Variants in BAZ2B observed in about 807,000 individuals in gnomAD.
The protein encoded by BAZ2B is bromodomain adjacent to zinc finger domain protein 2B.
In BAZ2B, 91 loss-of-function variants were observed where a neutral mutation model predicts 246.0. That is an observed-to-expected ratio of 0.37 (90% confidence interval 0.31 to 0.44). The LOEUF is 0.44. BAZ2B is among the 20% of genes least tolerant of loss of function. The probability of loss-of-function intolerance (pLI) is 1.00; values close to 1 mark genes in which losing one functional copy is unlikely to be tolerated. For missense variants in BAZ2B, 2,332 were observed against 2,533.7 expected (o/e 0.92, Z 1.71); for synonymous variants, 855 against 860.0 (o/e 0.99, Z 0.10).
At chr2:159,636,888 G>A in the BAZ2B span, among the ~76,000 whole-genome samples, 3 of 152,130 alleles carry the variant, frequency 2.0e-5, no homozygotes, top group Non-Finnish European at 4.4e-5. Context: ...GCAGAGTTGT[G>A]AGGCCCCCAC....
chr2:159,534,747 C>T (rs1171424447), intron 2 of BAZ2B, among the ~76,000 whole-genome samples: 1 of 151,996 alleles, frequency 6.6e-6, no homozygotes, highest in Non-Finnish European at 1.5e-5. Flanking sequence ...GCTGGGACTA[C>T]AGGCATGCAC....
chr2:159,470,641 G>A (rs940117722), intron 3 of BAZ2B, among the ~76,000 whole-genome samples: 1 of 152,176 alleles, frequency 6.6e-6, no homozygotes, highest in Non-Finnish European at 1.5e-5. Flanking sequence ...GAGACAGAAA[G>A]AAGTGTACAG....
Position 159,378,235 on chromosome 2 carries a change from A to G in BAZ2B, c.4006-3482T>C, listed in dbSNP as rs143603936. 1.3e-3 allele frequency among the ~76,000 whole-genome samples: 199 copies of G among 152,334 alleles called. 1 individual carries two copies. Among genetic ancestry groups the G allele is most frequent in the African/African-American group, 4.6e-3 (190 of 41,568 alleles). ...TTGTTTGGGTAATTACACTTCTGAT[A>G]CTCAAATTATATACCCTTCATATTA... On this transcript the variant is annotated intron_variant, in intron 25 of 36. Coordinates refer to ENST00000392783, the MANE Select transcript of BAZ2B (RefSeq NM_013450.4).
chr2:159,610,149 G>GA (rs536857503), intron 1 of BAZ2B, among the ~76,000 whole-genome samples: 4 of 151,812 alleles, frequency 2.6e-5, no homozygotes, highest in East Asian at 1.9e-4. Flanking sequence ...GATCTCATAG[G>GA]AAAAAAAATC....
At chr2:159,694,779 G>A in the BAZ2B span, 4 of 152,162 alleles carry the variant, frequency 2.6e-5, no homozygotes, top group African/African-American at 9.7e-5. Flanking sequence ...ACTATGACAT[G>A]AACATTTGTG....
intron 1 of BAZ2B, among the ~76,000 whole-genome samples, chr2:159,605,626 G>A (rs1428506946): frequency 6.6e-6 from 1 of 151,742 alleles, no homozygotes; most frequent in African/African-American, 2.4e-5. Flanking sequence ...GCCCAGTGGT[G>A]CATGCCTGTA....
At chr2:159,324,668 A>T in intron 36 of BAZ2B, 143 bp downstream of exon 36, 1 of 191,504 alleles carries the variant, frequency 5.2e-6, no homozygotes. Context: ...ACACACACAC[A>T]CACACACACA....
chr2:159,406,061 A>G lies in BAZ2B; in HGVS notation c.2678-947T>C, dbSNP rs7577631. ...TAGATGAACAAAGTTAATGTCCCCA[A>G]TTCTTCATTTCTCCTTTTATCCATG... On this transcript the variant is annotated intron_variant, in intron 14 of 36. Coordinates refer to ENST00000392783, the MANE Select transcript of BAZ2B (RefSeq NM_013450.4). 6.4e-3 allele frequency among the ~76,000 whole-genome samples: 977 copies of G among 152,322 alleles called. 5 individuals are homozygous for G. Among genetic ancestry groups the G allele is most frequent in the African/African-American group, 0.022 (901 of 41,550 alleles).
At chr2:159,558,290 CTT>C (rs1019591162) in intron 1 of BAZ2B, among the ~76,000 whole-genome samples, 5 of 151,946 alleles carry the variant, frequency 3.3e-5, no homozygotes, top group Non-Finnish European at 5.9e-5. Context: ...GAATTTTGCT[CTT>C]GTTGCCCAGG....
At chr2:159,374,571 CA>C (rs1559157922) in intron 26 of BAZ2B, 119 bp downstream of exon 26, 1 of 770,572 alleles carries the variant, frequency 1.3e-6, no homozygotes, top group African/African-American at 1.8e-5. Flanking sequence ...TCAGAATCTT[CA>C]TTTTTAATTA....
intron 2 of BAZ2B, among the ~76,000 whole-genome samples, chr2:159,491,970 C>G (rs991261645): frequency 6.6e-6 from 1 of 152,012 alleles, no homozygotes; most frequent in Non-Finnish European, 1.5e-5. Context: ...TTCCTCTTTC[C>G]CCATGAACCA....
chr2:159,518,155 T>C (rs1376487626), intron 2 of BAZ2B, among the ~76,000 whole-genome samples: 1 of 152,230 alleles, frequency 6.6e-6, no homozygotes, highest in Non-Finnish European at 1.5e-5. Context: ...TTTCCTATAA[T>C]GTGTCAAATT....
At chr2:159,401,634 A>C (rs1244245089) in intron 16 of BAZ2B, among the ~76,000 whole-genome samples, 1 of 152,198 alleles carries the variant, frequency 6.6e-6, no homozygotes, top group Non-Finnish European at 1.5e-5. Flanking sequence ...CCAGGGAATT[A>C]TCTGTAGGAC....
At chr2:159,414,258 A>G (rs2067278400) in intron 13 of BAZ2B, among the ~76,000 whole-genome samples, 4 of 152,224 alleles carry the variant, frequency 2.6e-5, no homozygotes, top group African/African-American at 9.6e-5. Context: ...GATAGTTACC[A>G]GAGGCTGGGA....
At chr2:159,598,845 G>C (rs1324477323) in intron 1 of BAZ2B, among the ~76,000 whole-genome samples, 1 of 152,050 alleles carries the variant, frequency 6.6e-6, no homozygotes, top group Non-Finnish European at 1.5e-5. Context: ...GTGAGACTCT[G>C]TCACAAAAAT....
At chr2:159,318,631 T>A (rs1243991310), downstream of BAZ2B, among the ~76,000 whole-genome samples, 2 of 152,224 alleles carry the variant, frequency 1.3e-5, no homozygotes, top group Non-Finnish European at 2.9e-5. Context: ...ACATGTCTTA[T>A]TAGACTAATT....
At chr2:159,376,939 A>G (rs929327793) in intron 25 of BAZ2B, among the ~76,000 whole-genome samples, 4 of 152,150 alleles carry the variant, frequency 2.6e-5, no homozygotes, top group African/African-American at 9.7e-5. Flanking sequence ...CAGTTCCCCA[A>G]CCAAAAAACA....
chr2:159,598,820 G>C lies in BAZ2B; in HGVS notation c.-46+17422C>G, dbSNP rs959036783. Among the ~76,000 whole-genome samples, 16 of 152,250 alleles carry C rather than the reference G, an allele frequency of 1.1e-4. No homozygotes were observed. In the South Asian group the frequency reaches 3.1e-3, roughly 30 times the overall value. ...GCCAAGATTGAGCCACTGCATTCCAGCCAGGGAGACAAGAGTGAGACTCTG... is the reference window on the plus strand; with the variant it reads ...GCCAAGATTGAGCCACTGCATTCCACCCAGGGAGACAAGAGTGAGACTCTG... On this transcript the variant is annotated intron_variant, in intron 1 of 36. Coordinates refer to ENST00000392783, the MANE Select transcript of BAZ2B (RefSeq NM_013450.4).
At chr2:159,404,720 C>A in intron 16 of BAZ2B, 129 bp downstream of exon 16, 1 of 810,348 alleles carries the variant, frequency 1.2e-6, no homozygotes, top group Non-Finnish European at 1.8e-6. Context: ...AAGATAGCAA[C>A]TTTCTAAATA....
Sources: gnomAD v4.1 joint callset for allele counts (sites outside exome capture counted in the v4.1 genomes callset) on GRCh38, gnomAD v4.1.1 for gene constraint, MANE v1.5 for transcripts, NCBI Gene and HGNC (gene_info 2026-07-23, HGNC 2026-07-21) for gene names.